Variants in ZFHX4 observed in about 807,000 individuals in gnomAD.
The protein encoded by ZFHX4 is zinc finger homeobox protein 4.
In ZFHX4, 56 loss-of-function variants were observed where a neutral mutation model predicts 267.6. That is an observed-to-expected ratio of 0.21 (90% CI 0.17 to 0.26). The LOEUF (loss-of-function observed/expected upper bound fraction) is 0.26, where lower values mean the gene tolerates loss of function less well. Ranked by LOEUF, ZFHX4 falls within the 10% of genes least tolerant of loss-of-function variation. The pLI, the probability that ZFHX4 is intolerant of heterozygous loss-of-function variation, is 1.00. For missense variants in ZFHX4, 4,332 were observed against 4,420.0 expected, an observed-to-expected ratio of 0.98 and a Z score of 0.56; for synonymous variants, 1,778 against 1,665.6, an observed-to-expected ratio of 1.07 and a Z score of -1.64.
At chr8:76,849,756 C>A (rs1341442586) in intron 8 of ZFHX4, 44 bp downstream of exon 8, 1 of 1,528,448 alleles carries the variant, frequency 6.5e-7, no homozygotes, top group Admixed American at 1.7e-5. Flanking sequence ...TAATCTGTGT[C>A]AGGAATATCA....
In ZFHX4 at chr8:76,854,053, G is replaced by A. The variant is rs2131954870; in HGVS notation, c.7132G>A (p.Ala2378Thr). 6.2e-7 allele frequency: 1 copy of A among 1,613,890 alleles called. No individual in the cohort carries two copies. The highest frequency in any genetic ancestry group is 8.5e-7 in the Non-Finnish European group (1 of 1,179,864). The change falls in exon 10 of 11, where the codon GCC becomes ACC. Residue 2378 changes from alanine to threonine, a missense_variant. Ala to Thr is a moderately conservative substitution (Grantham distance 58, BLOSUM62 0). Coordinates refer to ENST00000651372, the MANE Select transcript of ZFHX4 (RefSeq NM_024721.5). ...GQTDAAKNAA[A>T]PAASSGSGTS... Reference sequence around the variant, plus strand: ...AACGGATGCAGCTAAAAACGCTGCTGCCCCTGCAGCAAGTTCTGGCTCTGG... The same window carrying A: ...AACGGATGCAGCTAAAAACGCTGCTACCCCTGCAGCAAGTTCTGGCTCTGG...
intron 1 of ZFHX4, among the ~76,000 whole-genome samples, chr8:76,702,763 A>C (rs1404756259): frequency 6.6e-6 from 1 of 152,224 alleles, no homozygotes; most frequent in African/African-American, 2.4e-5. Flanking sequence ...CTTCAAATTT[A>C]AGATTTGAAA....
chr8:76,813,914 A>G (rs968588499), intron 4 of ZFHX4, among the ~76,000 whole-genome samples: 2 of 152,156 alleles, frequency 1.3e-5, no homozygotes, highest in Non-Finnish European at 1.5e-5. Flanking sequence ...TTTGGACTTT[A>G]TATTACAGAA....
intron 3 of ZFHX4, among the ~76,000 whole-genome samples, chr8:76,715,019 G>A (rs79012187): frequency 0.034 from 5,126 of 152,138 alleles, 112 homozygotes; most frequent in East Asian, 0.1. Flanking sequence ...CTGTGTCTTC[G>A]CTTACTTTTA....
chr8:76,687,968 A>C (rs1452401265), intron 1 of ZFHX4, among the ~76,000 whole-genome samples: 1 of 152,156 alleles, frequency 6.6e-6, no homozygotes, highest in African/African-American at 2.4e-5. Flanking sequence ...CGCTCTCTCT[A>C]AAGTTATGTT....
chr8:76,783,108 C>A (rs762878425), intron 4 of ZFHX4, among the ~76,000 whole-genome samples: 3 of 151,940 alleles, frequency 2.0e-5, no homozygotes, highest in Non-Finnish European at 4.4e-5. Context: ...TTTGTCATGG[C>A]CTCACGAAAT....
chr8:76,699,734 G>A (rs778315444), intron 1 of ZFHX4, among the ~76,000 whole-genome samples: 30 of 139,192 alleles, frequency 2.2e-4, no homozygotes, highest in Middle Eastern at 3.9e-3. Context: ...AGATTTGTCA[G>A]CAACTGATGC....
At chr8:76,779,005 G>T (rs926880245) in intron 4 of ZFHX4, among the ~76,000 whole-genome samples, 1 of 152,122 alleles carries the variant, frequency 6.6e-6, no homozygotes, top group Non-Finnish European at 1.5e-5. Flanking sequence ...CAGCTAACAC[G>T]TTTTGAATGG....
rs1055386019 is a variant in ZFHX4, at chr8:76,778,133, T to G, written c.3094-75T>G. ...TGTGTAACCAATGTTTATCATGCCATGGGTGGGTGTCACCTGTTTTGTTAT... is the reference window on the plus strand; with the variant it reads ...TGTGTAACCAATGTTTATCATGCCAGGGGTGGGTGTCACCTGTTTTGTTAT... On this transcript the variant is annotated intron_variant, in intron 3 of 10. Transcript: ENST00000651372. 3.2e-6 allele frequency: 3 copies of G among 938,798 alleles called. No individual in the cohort carries two copies. In the Admixed American group the frequency reaches 5.2e-5, roughly 16 times the overall value. 58.2% of individuals were successfully genotyped at this position (938,798 alleles called of 1,614,324 possible). A position where few individuals can be genotyped will look rare whatever the true frequency, so the allele number is the denominator to read the frequency against.
intron 4 of ZFHX4, among the ~76,000 whole-genome samples, chr8:76,815,649 G>A (rs917604592): frequency 1.3e-5 from 2 of 152,008 alleles, no homozygotes; most frequent in Admixed American, 6.6e-5. Flanking sequence ...CTACAGGCAC[G>A]TGCCACCATG....
chr8:76,841,272 T>C (rs2131912319), intron 5 of ZFHX4, among the ~76,000 whole-genome samples: 1 of 152,324 alleles, frequency 6.6e-6, no homozygotes, highest in East Asian at 1.9e-4. Flanking sequence ...CACACAGTTG[T>C]AGAGCATGGC....
chr8:76,854,634 C>T lies in ZFHX4; in HGVS notation c.7713C>T (p.Pro2571=), dbSNP rs762729092. ...PQASSSHTTA[P]TTVAASLKRK... ...CCAGTTCCTCCCACACCACAGCCCC[C>T]ACAACGGTTGCTGCTTCCCTAAAAA... Residue 2571 remains proline (P), a synonymous_variant, in exon 10 of 11, where the codon CCC becomes CCT. Coordinates refer to ENST00000651372, the MANE Select transcript of ZFHX4 (RefSeq NM_024721.5). The T allele has an allele frequency of 5.8e-5, 93 of 1,613,672 alleles. No individual in the cohort carries two copies. Among genetic ancestry groups the T allele is most frequent in the Non-Finnish European group, 7.8e-5 (92 of 1,179,890 alleles).
At chr8:76,708,784 T>C (rs1195386841) in intron 3 of ZFHX4, among the ~76,000 whole-genome samples, 1 of 152,172 alleles carries the variant, frequency 6.6e-6, no homozygotes, top group Non-Finnish European at 1.5e-5. Flanking sequence ...TGACTTTTTC[T>C]AAACCCTAAT....
rs12155655 is a variant in ZFHX4, at chr8:76,865,499, C to G, written c.*934C>G. On this transcript the variant is annotated 3_prime_UTR_variant, in exon 11 of 11. Transcript: ENST00000651372. The stretch of plus-strand genomic sequence containing the variant: ...GACCATGTGAAATTTAATAAGATAC[C>G]TTTTTTTTCCTTTCTTTGTGTGTAG... The G allele has an allele frequency of 0.5, 76,424 of 152,218 alleles. 20,680 individuals are homozygous for G. The highest frequency in any genetic ancestry group is 0.66 in the Middle Eastern group (193 of 294). 9.4% of individuals were successfully genotyped at this position (152,218 alleles called of 1,614,324 possible).
intron 10 of ZFHX4, among the ~76,000 whole-genome samples, chr8:76,860,070 C>T (rs536192329): frequency 4.7e-4 from 71 of 152,124 alleles, no homozygotes; most frequent in African/African-American, 1.6e-3. Context: ...AAATTTGACA[C>T]GCATTTAATT....
Position 76,864,479 on chromosome 8 carries a change from G to A in ZFHX4, c.10765G>A (p.Asp3589Asn), listed in dbSNP as rs950897936. The A allele has an allele frequency of 1.9e-6, 3 of 1,613,476 alleles. No individual in the cohort carries two copies. Among genetic ancestry groups the A allele is most frequent in the African/African-American group, 2.7e-5 (2 of 74,854 alleles). ...GCTGAGCCAGAAGCTAGAAGACTTAGATAATTCTTTGGAAGTGAAGGCTAA... is the reference window on the plus strand; with the variant it reads ...GCTGAGCCAGAAGCTAGAAGACTTAAATAATTCTTTGGAAGTGAAGGCTAA... ...SELSQKLEDL[D>N]NSLEVKAKPA... The change falls in exon 11 of 11, where the codon GAT becomes AAT. Residue 3589 changes from aspartate to asparagine, a missense_variant. By Grantham distance (23) the Asp-to-Asn change is conservative. This residue lies in a region of ZFHX4 where 1,648 missense variants were observed against 1,625.0 expected (regional missense o/e 1.01). Transcript: ENST00000651372.
chr8:76,805,190 A>G (rs1811214737), intron 4 of ZFHX4, among the ~76,000 whole-genome samples: 1 of 152,098 alleles, frequency 6.6e-6, no homozygotes, highest in Admixed American at 6.6e-5. Context: ...GTGACCTTCT[A>G]TGTGCTGTAG....
At chr8:76,768,282 C>G (rs551471769) in intron 3 of ZFHX4, among the ~76,000 whole-genome samples, 22 of 152,188 alleles carry the variant, frequency 1.4e-4, no homozygotes, top group Middle Eastern at 6.8e-3. Flanking sequence ...TTGGGAAATT[C>G]TTGGTAGGCA....
intron 4 of ZFHX4, among the ~76,000 whole-genome samples, chr8:76,785,599 G>GT (rs1810666879): frequency 6.6e-6 from 1 of 152,108 alleles, no homozygotes; most frequent in Non-Finnish European, 1.5e-5. Context: ...CATTGGGTAG[G>GT]TTTGTGACCA....
Sources: gnomAD v4.1 joint callset for allele counts (sites outside exome capture counted in the v4.1 genomes callset) on GRCh38, gnomAD v4.1.1 for gene constraint, gnomAD v4.1.1 regional missense constraint, MANE v1.5 for transcripts, NCBI Gene and HGNC (gene_info 2026-07-23, HGNC 2026-07-21) for gene names.